Variants in RGS6 observed in about 807,000 individuals in gnomAD.
The protein encoded by RGS6 is regulator of G-protein signaling 6.
Under a neutral mutation model 78.5 loss-of-function variants are expected in RGS6, and 30 were observed. The ratio of observed to expected loss-of-function variants is 0.38; its 90% CI spans 0.29 to 0.52. The LOEUF is 0.52. Among genes scored for constraint, RGS6 ranks in the 20% least tolerant of loss-of-function variants. The pLI, the probability that RGS6 is intolerant of heterozygous loss-of-function variation, is 0.85. For synonymous variants in RGS6, 206 were observed against 206.0 expected, an observed-to-expected ratio of 1.00 and a Z score of 0.00; for missense variants, 495 against 609.7, an observed-to-expected ratio of 0.81 and a Z score of 1.98.
intron 6 of RGS6, among the ~76,000 whole-genome samples, chr14:72,463,520 CA>C (rs1391978432): frequency 1.3e-5 from 2 of 152,260 alleles, no homozygotes; most frequent in African/African-American, 4.8e-5. Context: ...CTCTGCATTC[CA>C]TGCATGATAA....
At chr14:72,423,013 A>T (rs2094267135) in intron 3 of RGS6, among the ~76,000 whole-genome samples, 1 of 152,230 alleles carries the variant, frequency 6.6e-6, no homozygotes, top group Admixed American at 6.5e-5. Flanking sequence ...CATTGTTTTA[A>T]CCCACAAAGG....
intron 3 of RGS6, among the ~76,000 whole-genome samples, chr14:72,400,596 C>T (rs1314224684): frequency 6.6e-6 from 1 of 152,226 alleles, no homozygotes. Flanking sequence ...AAATAAATCA[C>T]TATTTTGACA....
Position 72,303,902 on chromosome 14 carries a change from G to A in RGS6, c.85-48193G>A, listed in dbSNP as rs1450879214. ...ACTTAAAATTTAATGTAGTGCCTTT[G>A]AGCCCAAAAGTCTTGAGTTTCCCTA... On this transcript the variant is annotated intron_variant, in intron 2 of 17. Transcript: ENST00000553525. Among the ~76,000 whole-genome samples the A allele has an allele frequency of 2.0e-5, 3 of 152,064 alleles. No individual in the cohort carries two copies. In the East Asian group the frequency reaches 5.8e-4, roughly 29 times the overall value.
At chr14:72,434,389 C>A (rs778362347) in intron 3 of RGS6, among the ~76,000 whole-genome samples, 2 of 152,174 alleles carry the variant, frequency 1.3e-5, no homozygotes, top group Non-Finnish European at 2.9e-5. Context: ...GTATCTCAAG[C>A]CCTACCTCCT....
Position 72,483,756 on chromosome 14 carries a change from T to C in RGS6, c.854+5427T>C, listed in dbSNP as rs148695458. Among the ~76,000 whole-genome samples the C allele has an allele frequency of 2.7e-3, 416 of 152,080 alleles. 1 individual carries two copies. The highest frequency in any genetic ancestry group is 9.7e-3 in the African/African-American group (402 of 41,482). On this transcript the variant is annotated intron_variant, in intron 12 of 17. Coordinates refer to ENST00000553525, the MANE Select transcript of RGS6 (RefSeq NM_001204424.2). ...GAGGTATCATTACAGCCAGGGTGAC[T>C]GTATCTAGACCAAGATATGGAATCT... is the stretch of plus-strand genomic sequence containing the variant.
chr14:72,484,787 A>G (rs1160217108), intron 12 of RGS6, among the ~76,000 whole-genome samples: 1 of 152,164 alleles, frequency 6.6e-6, no homozygotes, highest in Non-Finnish European at 1.5e-5. Flanking sequence ...TACTATTGTT[A>G]GAAGCTGTGA....
intron 1 of RGS6, among the ~76,000 whole-genome samples, chr14:71,947,300 C>A (rs369601601): frequency 1.8e-4 from 28 of 152,236 alleles, no homozygotes; most frequent in African/African-American, 6.3e-4. Context: ...TCCTCAGATA[C>A]CTCACCCCCA....
chr14:71,964,511 A>C (rs575284317), intron 1 of RGS6, among the ~76,000 whole-genome samples: 51 of 152,318 alleles, frequency 3.3e-4, no homozygotes, highest in East Asian at 9.6e-4. Context: ...TGTCTCAAAA[A>C]AAAACAAAAC....
intron 2 of RGS6, among the ~76,000 whole-genome samples, chr14:72,304,650 G>A (rs2066834225): frequency 6.6e-6 from 1 of 152,112 alleles, no homozygotes; most frequent in South Asian, 2.1e-4. Flanking sequence ...GCCAAGGCGG[G>A]AGTGGATCAC....
intron 3 of RGS6, among the ~76,000 whole-genome samples, chr14:72,414,282 C>G (rs2093643558): frequency 6.6e-6 from 1 of 152,164 alleles, no homozygotes; most frequent in South Asian, 2.1e-4. Flanking sequence ...TCTTTTTTCT[C>G]TAAACTTCTC....
chr14:72,456,137 G>T (rs1156813651), intron 4 of RGS6, among the ~76,000 whole-genome samples: 1 of 152,116 alleles, frequency 6.6e-6, no homozygotes, highest in African/African-American at 2.4e-5. Flanking sequence ...GGGCCTGTTT[G>T]GGCTTCTGAG....
chr14:72,268,628 T>C lies in RGS6; in HGVS notation c.85-83467T>C, dbSNP rs137893720. ...AAATAGGATTTCATTCACCAGTTACTATAAGCTACTCGTGCCTTCTAATGG... is the reference window on the plus strand; with the variant it reads ...AAATAGGATTTCATTCACCAGTTACCATAAGCTACTCGTGCCTTCTAATGG... On this transcript the variant is annotated intron_variant, in intron 2 of 17. Transcript: ENST00000553525. Among the ~76,000 whole-genome samples, 40 of 152,358 alleles carry C rather than the reference T, an allele frequency of 2.6e-4. No homozygotes were observed. The East Asian group carries it at 6.9e-3, about 26-fold the overall frequency.
chr14:71,875,684 T>G, the RGS6 span, among the ~76,000 whole-genome samples: 1 of 152,218 alleles, frequency 6.6e-6, no homozygotes, highest in Non-Finnish European at 1.5e-5. Flanking sequence ...TGCCTTCTGC[T>G]AGCTTTTGAA....
chr14:72,427,286 CTT>C (rs2094467142), intron 3 of RGS6, among the ~76,000 whole-genome samples: 1 of 152,188 alleles, frequency 6.6e-6, no homozygotes, highest in African/African-American at 2.4e-5. Context: ...TTGTTAATCT[CTT>C]ATGACTAAGT....
intron 12 of RGS6, among the ~76,000 whole-genome samples, chr14:72,484,652 C>T (rs1429625085): frequency 6.6e-6 from 1 of 152,148 alleles, no homozygotes; most frequent in Non-Finnish European, 1.5e-5. Flanking sequence ...AGTGGTTGGA[C>T]TGTATGTTTA....
At chr14:72,597,526 T>A in the RGS6 span, among the ~76,000 whole-genome samples, 3 of 152,176 alleles carry the variant, frequency 2.0e-5, no homozygotes, top group Non-Finnish European at 4.4e-5. Context: ...CAGACATAAA[T>A]CTTTTCATTC....
At chr14:72,245,786 G>A (rs1391789415) in intron 2 of RGS6, among the ~76,000 whole-genome samples, 1 of 152,204 alleles carries the variant, frequency 6.6e-6, no homozygotes, top group Non-Finnish European at 1.5e-5. Flanking sequence ...GAGTTTTTAT[G>A]CTAGCTTGAG....
intron 2 of RGS6, among the ~76,000 whole-genome samples, chr14:72,273,815 G>C (rs575503295): frequency 6.6e-6 from 1 of 152,248 alleles, no homozygotes; most frequent in Admixed American, 6.5e-5. Flanking sequence ...AGCTGCATCC[G>C]TTTGCAAAAG....
At chr14:72,140,962 G>A (rs974610400) in intron 2 of RGS6, among the ~76,000 whole-genome samples, 5 of 152,210 alleles carry the variant, frequency 3.3e-5, no homozygotes, top group African/African-American at 1.2e-4. Flanking sequence ...GTGTAAATGT[G>A]CTACAATCCT....
Sources: gnomAD v4.1 joint callset for allele counts (sites outside exome capture counted in the v4.1 genomes callset) on GRCh38, gnomAD v4.1.1 for gene constraint, MANE v1.5 for transcripts, NCBI Gene and HGNC (gene_info 2026-07-23, HGNC 2026-07-21) for gene names.